Variants in TMTC2 observed in about 807,000 individuals in gnomAD.
TMTC2 encodes the protein transmembrane O-mannosyltransferase targeting cadherins 2, also known as protein O-mannosyl-transferase TMTC2.
Under a neutral mutation model 82.4 loss-of-function variants are expected in TMTC2, and 43 were observed. The ratio of observed to expected loss-of-function variants is 0.52; its 90% CI spans 0.41 to 0.67. The LOEUF (loss-of-function observed/expected upper bound fraction) is 0.67. TMTC2 is among the 30% of genes least tolerant of loss of function. The pLI, the probability that TMTC2 is intolerant of heterozygous loss-of-function variation, is 0.00. For missense variants in TMTC2, 919 were observed against 1,012.4 expected (o/e 0.91, Z 1.25); for synonymous variants, 408 against 381.9 (o/e 1.07, Z -0.80).
At chr12:82,719,085 A>ATATATATT (rs1282211374) in intron 1 of TMTC2, among the ~76,000 whole-genome samples, 18 of 41,406 alleles carry the variant, frequency 4.3e-4, no homozygotes, top group African/African-American at 1.3e-3. Flanking sequence ...ATATATATAT[A>ATATATATT]TTTTTTTTTT....
chr12:83,109,600 C>G (rs149272504), intron 11 of TMTC2, among the ~76,000 whole-genome samples: 2,407 of 152,280 alleles, frequency 0.016, 79 homozygotes, highest in African/African-American at 0.055. Context: ...TACCAACTTC[C>G]CAAATGCATC....
At chr12:82,865,665 T>C (rs1229167913) in intron 2 of TMTC2, among the ~76,000 whole-genome samples, 1 of 152,162 alleles carries the variant, frequency 6.6e-6, no homozygotes, top group African/African-American at 2.4e-5. Flanking sequence ...GCGGACCTAA[T>C]AGACATCTAC....
At chr12:82,860,065 C>T (rs1027749686) in intron 2 of TMTC2, among the ~76,000 whole-genome samples, 6 of 152,106 alleles carry the variant, frequency 3.9e-5, no homozygotes, top group African/African-American at 1.4e-4. Flanking sequence ...CCTCTGCCTC[C>T]CGGGTTCAAG....
At chr12:83,092,042 T>C (rs180886007) in intron 11 of TMTC2, among the ~76,000 whole-genome samples, 141 of 152,312 alleles carry the variant, frequency 9.3e-4, no homozygotes, top group African/African-American at 3.4e-3. Context: ...AGTACCAATG[T>C]GTACATATCA....
chr12:82,899,576 T>TATATATATATAAGAATATATATATGTGGA lies in TMTC2; in HGVS notation c.1483+2942_1483+2970dup, dbSNP rs1312654329. Among the ~76,000 whole-genome samples, 348 of 129,568 alleles carry TATATATATATAAGAATATATATATGTGGA rather than the reference T, an allele frequency of 2.7e-3. 7 individuals carry two copies. Among genetic ancestry groups the TATATATATATAAGAATATATATATGTGGA allele is most frequent in the Admixed American group, 5.0e-3 (65 of 12,964 alleles). 85.0% of individuals were successfully genotyped at this position (129,568 alleles called of 152,430 possible). Reference sequence around the variant, plus strand: ...TATAAGAATATATATATATGTGGAATATATATATATAAGAATATATATATG... The same window carrying TATATATATATAAGAATATATATATGTGGA: ...TATAAGAATATATATATATGTGGAATATATATATATAAGAATATATATATGTGGAATATATATATAAGAATATATATATG... On this transcript the variant is annotated intron_variant, in intron 3 of 11. Transcript: ENST00000321196.
intron 1 of TMTC2, chr12:82,758,561 G>C (rs996034029): frequency 6.6e-6 from 1 of 152,082 alleles, no homozygotes; most frequent in African/African-American, 2.4e-5. Context: ...TGTATCTAGA[G>C]TTATCAATCT....
At chr12:82,984,357 A>G (rs997652060) in intron 7 of TMTC2, among the ~76,000 whole-genome samples, 4 of 152,156 alleles carry the variant, frequency 2.6e-5, no homozygotes, top group South Asian at 2.1e-4. Flanking sequence ...TTTGTCACCA[A>G]TATTTTTCAC....
intron 11 of TMTC2, among the ~76,000 whole-genome samples, chr12:83,062,682 G>C (rs1470828252): frequency 6.6e-6 from 1 of 151,750 alleles, no homozygotes; most frequent in Non-Finnish European, 1.5e-5. Context: ...CTTTGTGGTA[G>C]AATACAGAGA....
chr12:82,866,025 A>C (rs1400759696), intron 2 of TMTC2, among the ~76,000 whole-genome samples: 1 of 152,190 alleles, frequency 6.6e-6, no homozygotes, highest in African/African-American at 2.4e-5. Flanking sequence ...TGTAGAGGGA[A>C]ATTTATAGCA....
intron 2 of TMTC2, among the ~76,000 whole-genome samples, chr12:82,889,965 A>C: frequency 8.0e-6 from 1 of 125,182 alleles, no homozygotes; most frequent in South Asian, 2.5e-4. Context: ...GTTAGAATGT[A>C]GGTAACTAAC....
chr12:82,913,992 A>G (rs1194404923), intron 3 of TMTC2, among the ~76,000 whole-genome samples: 1 of 152,176 alleles, frequency 6.6e-6, no homozygotes, highest in Admixed American at 6.5e-5. Context: ...AAATCCACAT[A>G]TAAGTAGAAC....
chr12:82,826,845 C>T (rs1869448872), intron 1 of TMTC2, among the ~76,000 whole-genome samples: 2 of 152,246 alleles, frequency 1.3e-5, no homozygotes, highest in Admixed American at 6.5e-5. Flanking sequence ...GGAGCCCTAT[C>T]CATATTTATG....
At chr12:82,917,638 G>A (rs1875079189) in intron 3 of TMTC2, among the ~76,000 whole-genome samples, 2 of 152,014 alleles carry the variant, frequency 1.3e-5, no homozygotes, top group Admixed American at 1.3e-4. Context: ...GTCTCACTCT[G>A]TCACCCAGGC....
intron 2 of TMTC2, among the ~76,000 whole-genome samples, chr12:82,866,251 A>C (rs1296031674): frequency 6.6e-6 from 1 of 151,008 alleles, no homozygotes; most frequent in East Asian, 1.9e-4. Flanking sequence ...GATCAAAAAA[A>C]AAAAAAAAAA....
intron 1 of TMTC2, among the ~76,000 whole-genome samples, chr12:82,770,221 T>A (rs973879191): frequency 9.8e-5 from 15 of 152,320 alleles, no homozygotes; most frequent in Admixed American, 2.0e-4. Flanking sequence ...GTATCCCATT[T>A]AATATAATAT....
At chr12:82,745,932 A>T (rs1241970282) in intron 1 of TMTC2, among the ~76,000 whole-genome samples, 1 of 152,250 alleles carries the variant, frequency 6.6e-6, no homozygotes, top group Admixed American at 6.5e-5. Flanking sequence ...TGGCAGAACG[A>T]TTTGTTCTTT....
At chr12:83,013,695 C>T (rs928337926) in intron 8 of TMTC2, among the ~76,000 whole-genome samples, 4 of 152,116 alleles carry the variant, frequency 2.6e-5, no homozygotes, top group Admixed American at 6.5e-5. Flanking sequence ...TTTTGAGTAA[C>T]CTAATTTTGC....
At chr12:82,799,141 T>C (rs1878873016) in intron 1 of TMTC2, among the ~76,000 whole-genome samples, 1 of 152,138 alleles carries the variant, frequency 6.6e-6, no homozygotes, top group Admixed American at 6.5e-5. Flanking sequence ...TATAACTTTA[T>C]GTAGAATTCT....
chr12:83,096,320 G>C (rs1156563765), intron 11 of TMTC2, among the ~76,000 whole-genome samples: 1 of 152,178 alleles, frequency 6.6e-6, no homozygotes, highest in East Asian at 1.9e-4. Context: ...TGCATGATCT[G>C]GTCTTAGCTG....
Sources: gnomAD v4.1 joint callset for allele counts (sites outside exome capture counted in the v4.1 genomes callset) on GRCh38, gnomAD v4.1.1 for gene constraint, MANE v1.5 for transcripts, NCBI Gene and HGNC (gene_info 2026-07-23, HGNC 2026-07-21) for gene names.